Variants in SLC35F4 observed in about 807,000 individuals in gnomAD.
SLC35F4 encodes the protein chromosome 14 open reading frame 36.
Under a neutral mutation model 44.2 loss-of-function variants are expected in SLC35F4, and 24 were observed. The ratio of observed to expected loss-of-function variants is 0.54; its 90% confidence interval spans 0.39 to 0.76. SLC35F4 has a LOEUF of 0.76. SLC35F4 is among the 30% of genes least tolerant of loss of function. The probability of loss-of-function intolerance (pLI) is 0.00; values close to 1 mark genes in which losing one functional copy is unlikely to be tolerated. For missense variants in SLC35F4, 562 were observed against 586.1 expected (o/e 0.96, Z 0.42); for synonymous variants, 238 against 223.6 (o/e 1.06, Z -0.57).
intron 1 of SLC35F4, among the ~76,000 whole-genome samples, chr14:57,746,266 AT>A (rs2076751967): frequency 6.6e-6 from 1 of 152,076 alleles, no homozygotes; most frequent in Admixed American, 6.6e-5. Context: ...ATGATTCACC[AT>A]TGTTTATGAT....
chr14:57,836,838 T>C (rs1193385671), intron 1 of SLC35F4, among the ~76,000 whole-genome samples: 1 of 152,186 alleles, frequency 6.6e-6, no homozygotes, highest in Non-Finnish European at 1.5e-5. Flanking sequence ...ATATAATTTG[T>C]ATCTGTAAAG....
At chr14:57,838,277 A>G (rs898681636) in intron 1 of SLC35F4, among the ~76,000 whole-genome samples, 1 of 152,206 alleles carries the variant, frequency 6.6e-6, no homozygotes, top group African/African-American at 2.4e-5. Flanking sequence ...ATCCCCAAGA[A>G]GGCAAACAGG....
chr14:57,783,349 G>T (rs2077674904), intron 1 of SLC35F4, among the ~76,000 whole-genome samples: 1 of 151,634 alleles, frequency 6.6e-6, no homozygotes, highest in Admixed American at 6.6e-5. Flanking sequence ...TGAAGAAAAA[G>T]GATAACTGTC....
chr14:57,644,245 G>A (rs2073389111), intron 1 of SLC35F4, among the ~76,000 whole-genome samples: 1 of 152,154 alleles, frequency 6.6e-6, no homozygotes. Context: ...CAGTGTAAAA[G>A]TGTTCCTATT....
At chr14:57,918,225 A>G (rs1016280309) in intron 1 of SLC35F4, among the ~76,000 whole-genome samples, 4 of 152,274 alleles carry the variant, frequency 2.6e-5, no homozygotes, top group African/African-American at 9.6e-5. Context: ...AAAACTCACA[A>G]CAGTGTAGGG....
At chr14:57,571,649 C>A (rs562018324) in intron 5 of SLC35F4, among the ~76,000 whole-genome samples, 1 of 152,182 alleles carries the variant, frequency 6.6e-6, no homozygotes, top group Non-Finnish European at 1.5e-5. Context: ...GTTATGTAAT[C>A]TTTCAAAGCC....
At chr14:57,800,371 C>T (rs1003688966) in intron 1 of SLC35F4, among the ~76,000 whole-genome samples, 1 of 152,138 alleles carries the variant, frequency 6.6e-6, no homozygotes, top group African/African-American at 2.4e-5. Flanking sequence ...TCGGCAACTT[C>T]AAAGACTGAA....
chr14:57,853,622 C>T (rs905967551), intron 1 of SLC35F4, among the ~76,000 whole-genome samples: 3 of 152,318 alleles, frequency 2.0e-5, no homozygotes, highest in South Asian at 4.1e-4. Context: ...AAGAGATTCT[C>T]GCTCAATCTG....
In SLC35F4 at chr14:57,564,002, T is replaced by C; in HGVS notation, c.*133A>G. ...TGATAAGCATATAAATGTAAACTTTTATTGTTGGCATTATTTCACATATGA... is the reference window on the plus strand; with the variant it reads ...TGATAAGCATATAAATGTAAACTTTCATTGTTGGCATTATTTCACATATGA... On this transcript the variant is annotated 3_prime_UTR_variant, in exon 8 of 8. Transcript: ENST00000556826. 1.0e-6 allele frequency: 1 copy of C among 978,274 alleles called. No homozygotes were observed. The highest frequency in any genetic ancestry group is 1.5e-6 in the Non-Finnish European group (1 of 681,910). The allele number at this position is 978,274 out of a possible 1,614,324, so 60.6% of individuals were successfully genotyped here.
intron 1 of SLC35F4, among the ~76,000 whole-genome samples, chr14:57,735,866 T>A (rs545083452): frequency 6.6e-6 from 1 of 152,166 alleles, no homozygotes; most frequent in South Asian, 2.1e-4. Flanking sequence ...AGACTACAAG[T>A]GTGTGCCACC....
chr14:57,634,952 G>A (rs971948945), intron 1 of SLC35F4, among the ~76,000 whole-genome samples: 4 of 152,016 alleles, frequency 2.6e-5, no homozygotes, highest in Non-Finnish European at 5.9e-5. Context: ...GAAGATGAGT[G>A]ATCAAAAGTG....
chr14:57,887,897 G>C (rs764933376), intron 1 of SLC35F4, among the ~76,000 whole-genome samples: 6 of 152,050 alleles, frequency 3.9e-5, no homozygotes, highest in Non-Finnish European at 7.4e-5. Context: ...ACATGCACAC[G>C]CACATGCACA....
At chr14:57,756,558 A>G (rs1431517684) in intron 1 of SLC35F4, among the ~76,000 whole-genome samples, 1 of 151,790 alleles carries the variant, frequency 6.6e-6, no homozygotes, top group Non-Finnish European at 1.5e-5. Context: ...TAAATGTTAT[A>G]TAACATATAA....
At chr14:57,674,598 T>C (rs543771044) in intron 1 of SLC35F4, among the ~76,000 whole-genome samples, 1 of 152,146 alleles carries the variant, frequency 6.6e-6, no homozygotes, top group Non-Finnish European at 1.5e-5. Context: ...AGAAAGCAGC[T>C]ACAGCACACA....
chr14:57,702,732 A>C (rs899899959), intron 1 of SLC35F4, among the ~76,000 whole-genome samples: 2 of 152,132 alleles, frequency 1.3e-5, no homozygotes, highest in African/African-American at 4.8e-5. Context: ...TCTCTTTCCA[A>C]AGTGCTTTTC....
At chr14:57,714,867 C>T (rs886819965) in intron 1 of SLC35F4, among the ~76,000 whole-genome samples, 3 of 152,134 alleles carry the variant, frequency 2.0e-5, no homozygotes, top group South Asian at 2.1e-4. Context: ...TTGGACTTAA[C>T]GGACCAAGAA....
chr14:57,656,777 C>G (rs1414226387), intron 1 of SLC35F4, among the ~76,000 whole-genome samples: 2 of 152,062 alleles, frequency 1.3e-5, no homozygotes, highest in African/African-American at 4.8e-5. Flanking sequence ...TTATTACTAT[C>G]CTTTCTGCTT....
Position 57,564,129 on chromosome 14 carries a change from C to T in SLC35F4, c.*6G>A. 6.2e-7 allele frequency: 1 copy of T among 1,613,170 alleles called. No individual in the cohort carries two copies. Among genetic ancestry groups the T allele is most frequent in the Non-Finnish European group, 8.5e-7 (1 of 1,179,458 alleles). ...ACATACACGTGCATTCAAAATATGT[C>T]CCTCTCTAAGCCAGTGGTATAGACA... On this transcript the variant is annotated 3_prime_UTR_variant, in exon 8 of 8. Coordinates refer to ENST00000556826, the MANE Select transcript of SLC35F4 (RefSeq NM_001306087.2).
intron 1 of SLC35F4, among the ~76,000 whole-genome samples, chr14:57,632,383 A>T (rs2072823475): frequency 6.6e-6 from 1 of 152,114 alleles, no homozygotes; most frequent in Admixed American, 6.6e-5. Flanking sequence ...ATGAAGGAAA[A>T]AAAAGAGTAG....
Sources: allele counts gnomAD v4.1 joint callset (sites outside exome capture counted in the v4.1 genomes callset), GRCh38; gene constraint gnomAD v4.1.1; transcripts MANE v1.5; gene names NCBI Gene and HGNC (gene_info 2026-07-23, HGNC 2026-07-21).